RAB3GAP1: variants seen among roughly 807,000 people sequenced by gnomAD.
RAB3GAP1 encodes rab3 GTPase-activating protein catalytic subunit.
RAB3GAP1 carries 86 observed loss-of-function variants against 130.7 expected under a neutral mutation model. The ratio of observed to expected loss-of-function variants is 0.66; its 90% CI spans 0.55 to 0.79. The LOEUF is 0.79. Ranked by LOEUF, RAB3GAP1 falls within the 30% of genes least tolerant of loss-of-function variation. The probability of loss-of-function intolerance (pLI) is 0.00; values close to 1 mark genes in which losing one functional copy is unlikely to be tolerated. For synonymous variants in RAB3GAP1, 367 were observed against 401.7 expected (o/e 0.91, Z 1.03); for missense variants, 1,029 against 1,169.4 (o/e 0.88, Z 1.75).
At chr2:135,147,624 C>CCT (rs1553448281) in intron 17 of RAB3GAP1, among the ~76,000 whole-genome samples, 23 of 142,718 alleles carry the variant, frequency 1.6e-4, no homozygotes, top group African/African-American at 3.9e-4. Flanking sequence ...CTCCCCCCCC[C>CCT]TTTTTTTTTT....
intron 11 of RAB3GAP1, 114 bp downstream of exon 11, chr2:135,126,770 GA>G (rs1406873891): frequency 2.0e-5 from 18 of 915,372 alleles, no homozygotes; most frequent in Non-Finnish European, 3.1e-5. Context: ...CACCATGTAG[GA>G]AAAAAATCAT....
At chr2:135,125,148 A>C (rs544497938) in intron 9 of RAB3GAP1, among the ~76,000 whole-genome samples, 1 of 152,334 alleles carries the variant, frequency 6.6e-6, no homozygotes, top group South Asian at 2.1e-4. Context: ...GCTCTAGGCA[A>C]ACACTGATAT....
At chr2:135,137,084 T>C (rs1691696620) in intron 17 of RAB3GAP1, 2 of 265,224 alleles carry the variant, frequency 7.5e-6, no homozygotes, top group Non-Finnish European at 1.5e-5. Flanking sequence ...AGACAGACCC[T>C]GTCTCTTAAT....
chr2:135,107,756 C>T (rs867743730), intron 5 of RAB3GAP1, among the ~76,000 whole-genome samples: 13 of 151,838 alleles, frequency 8.6e-5, no homozygotes, highest in South Asian at 4.2e-4. Context: ...GGGTGGATCA[C>T]GTGGTCAGGA....
chr2:135,095,070 A>G (rs1690251842), intron 5 of RAB3GAP1, among the ~76,000 whole-genome samples: 1 of 151,950 alleles, frequency 6.6e-6, no homozygotes, highest in East Asian at 1.9e-4. Flanking sequence ...TTTTTGTGAA[A>G]CAGAGTCTCA....
At chr2:135,093,839 C>A in intron 5 of RAB3GAP1, 146 bp downstream of exon 5, 1 of 726,858 alleles carries the variant, frequency 1.4e-6, no homozygotes. Flanking sequence ...GGATACAGGG[C>A]AAAATCTGCA....
At chr2:135,114,896 A>T (rs1690920862) in intron 6 of RAB3GAP1, among the ~76,000 whole-genome samples, 2 of 152,240 alleles carry the variant, frequency 1.3e-5, no homozygotes, top group Admixed American at 1.3e-4. Flanking sequence ...AGGTTTTATT[A>T]TCACTTTGGA....
intron 15 of RAB3GAP1, among the ~76,000 whole-genome samples, chr2:135,134,260 C>G (rs1288411411): frequency 6.6e-6 from 1 of 152,108 alleles, no homozygotes; most frequent in Non-Finnish European, 1.5e-5. Context: ...ATAAATTATA[C>G]TGTATCTCTA....
At position 135,115,953 on chromosome 2, in the gene RAB3GAP1, G is replaced by A. The variant is rs963657210; in HGVS notation, c.648+572G>A. ...GCCTGTGCTGCTCTGTGGGGTTGGG[G>A]GGAATGGGGCTGATGAGGGCTTAAG... On this transcript the variant is annotated intron_variant, in intron 7 of 23. Transcript: ENST00000264158. Among the ~76,000 whole-genome samples, 9 of 152,290 alleles carry A rather than the reference G, an allele frequency of 5.9e-5. No homozygotes were observed. The East Asian group carries it at 1.5e-3, about 26-fold the overall frequency.
chr2:135,148,776 T>C (rs937449032), intron 17 of RAB3GAP1, among the ~76,000 whole-genome samples: 1 of 150,860 alleles, frequency 6.6e-6, no homozygotes, highest in Non-Finnish European at 1.5e-5. Flanking sequence ...CCTCCCAAAG[T>C]GCTGGGATTA....
chr2:135,080,437 G>T (rs137997791), intron 3 of RAB3GAP1, among the ~76,000 whole-genome samples: 3 of 152,160 alleles, frequency 2.0e-5, no homozygotes, highest in African/African-American at 7.2e-5. Flanking sequence ...AAAACACACA[G>T]GCTTAAAATG....
At chr2:135,112,011 T>TG (rs2104910786) in intron 5 of RAB3GAP1, among the ~76,000 whole-genome samples, 1 of 152,324 alleles carries the variant, frequency 6.6e-6, no homozygotes, top group African/African-American at 2.4e-5. Context: ...CTGTAAACCT[T>TG]GCCTAAAGGA....
intron 3 of RAB3GAP1, among the ~76,000 whole-genome samples, chr2:135,081,087 G>A (rs1053656139): frequency 3.3e-5 from 5 of 151,756 alleles, no homozygotes; most frequent in African/African-American, 1.2e-4. Flanking sequence ...ACGTTCATTA[G>A]TGTTAAGACC....
At chr2:135,135,434 A>G (rs1006434497) in intron 16 of RAB3GAP1, 115 bp downstream of exon 16, 15 of 1,438,852 alleles carry the variant, frequency 1.0e-5, no homozygotes, top group African/African-American at 7.1e-5. Flanking sequence ...TAGGTTGCCT[A>G]TAGTCAGTAG....
intron 5 of RAB3GAP1, among the ~76,000 whole-genome samples, chr2:135,105,356 C>G (rs1020765809): frequency 1.3e-5 from 2 of 151,108 alleles, no homozygotes; most frequent in Admixed American, 6.6e-5. Flanking sequence ...CTCAGCCTGC[C>G]GAGTGCCTGG....
intron 5 of RAB3GAP1, among the ~76,000 whole-genome samples, chr2:135,112,500 T>C (rs1262014271): frequency 6.6e-6 from 1 of 152,058 alleles, no homozygotes; most frequent in East Asian, 1.9e-4. Context: ...GGTTAAAAAG[T>C]GTGAAACCAG....
chr2:135,133,061 A>C, intron 14 of RAB3GAP1, 77 bp downstream of exon 14: 1 of 887,914 alleles, frequency 1.1e-6, no homozygotes, highest in Non-Finnish European at 1.8e-6. Flanking sequence ...TTTCTAGTTT[A>C]ATAGCTTACT....
intron 3 of RAB3GAP1, among the ~76,000 whole-genome samples, chr2:135,066,183 T>C (rs1689318723): frequency 6.6e-6 from 1 of 152,200 alleles, no homozygotes; most frequent in Non-Finnish European, 1.5e-5. Context: ...TTTTTCTCAA[T>C]GGGTAAACTC....
rs146587885 is a variant in RAB3GAP1, at chr2:135,124,739, T to C, written c.830+493T>C. Among the ~76,000 whole-genome samples the C allele has an allele frequency of 2.3e-3, 356 of 152,332 alleles. 2 individuals carry two copies. The highest frequency in any genetic ancestry group is 8.0e-3 in the African/African-American group (331 of 41,580). On this transcript the variant is annotated intron_variant, in intron 9 of 23. Coordinates refer to ENST00000264158, the MANE Select transcript of RAB3GAP1 (RefSeq NM_012233.3). ...CATGAAAACTTTCTGAGATTTGATA[T>C]TCATCTATAACTCAGCAAACTGTGT...
Sources: allele counts gnomAD v4.1 joint callset (sites outside exome capture counted in the v4.1 genomes callset), GRCh38; gene constraint gnomAD v4.1.1; transcripts MANE v1.5; gene names NCBI Gene and HGNC (gene_info 2026-07-23, HGNC 2026-07-21).